The following ARHGAP10 variants were observed in gnomAD, a reference collection of about 807,000 sequenced individuals.
ARHGAP10 encodes rho GTPase-activating protein 10.
ARHGAP10 carries 87 observed loss-of-function variants against 108.6 expected under a neutral mutation model. That is an observed-to-expected ratio of 0.80 (90% confidence interval 0.67 to 0.96). ARHGAP10 has a LOEUF of 0.96. Among genes scored for constraint, ARHGAP10 ranks in the 40% least tolerant of loss-of-function variants. The pLI is 0.00. For synonymous variants in ARHGAP10, 347 were observed against 341.1 expected, an observed-to-expected ratio of 1.02 and a Z score of -0.19; for missense variants, 939 against 954.5, an observed-to-expected ratio of 0.98 and a Z score of 0.21.
chr4:147,787,210 G>A (rs1273285788), intron 1 of ARHGAP10, among the ~76,000 whole-genome samples: 2 of 152,146 alleles, frequency 1.3e-5, no homozygotes, highest in Non-Finnish European at 2.9e-5. Context: ...GGAGGATCAG[G>A]TGTGACATTC....
chr4:148,029,392 A>G (rs771288850), intron 19 of ARHGAP10, among the ~76,000 whole-genome samples: 5 of 152,226 alleles, frequency 3.3e-5, no homozygotes, highest in African/African-American at 9.6e-5. Flanking sequence ...GAGAGCATCT[A>G]TAGAATGCCT....
At chr4:147,964,237 C>T (rs1275226060) in intron 16 of ARHGAP10, among the ~76,000 whole-genome samples, 1 of 152,180 alleles carries the variant, frequency 6.6e-6, no homozygotes, top group South Asian at 2.1e-4. Flanking sequence ...ACTTCAGTTC[C>T]GAGTATCAGC....
chr4:148,070,744 G>A (rs1730136311), intron 22 of ARHGAP10, among the ~76,000 whole-genome samples: 1 of 152,172 alleles, frequency 6.6e-6, no homozygotes, highest in South Asian at 2.1e-4. Context: ...ATTCTCCTGG[G>A]TTGTGATCAG....
At chr4:147,840,531 C>T (rs757008991) in intron 3 of ARHGAP10, among the ~76,000 whole-genome samples, 23 of 152,076 alleles carry the variant, frequency 1.5e-4, no homozygotes, top group Admixed American at 1.2e-3. Context: ...TCTAATCTAA[C>T]GGGGGATGCA....
At chr4:148,036,767 TA>T (rs1728396060) in intron 19 of ARHGAP10, among the ~76,000 whole-genome samples, 1 of 152,182 alleles carries the variant, frequency 6.6e-6, no homozygotes, top group African/African-American at 2.4e-5. Flanking sequence ...TTTGGCTTGT[TA>T]GGGGTTGATT....
intron 18 of ARHGAP10, among the ~76,000 whole-genome samples, chr4:148,007,031 G>A (rs867941162): frequency 7.2e-5 from 11 of 152,254 alleles, no homozygotes; most frequent in Non-Finnish European, 1.2e-4. Context: ...AAAATTAGAC[G>A]AAATTGCCTG....
chr4:147,775,460 G>A (rs531826072), intron 1 of ARHGAP10, among the ~76,000 whole-genome samples: 3 of 152,206 alleles, frequency 2.0e-5, no homozygotes, highest in African/African-American at 7.2e-5. Flanking sequence ...GCCAGTGACA[G>A]TTAAGACTCT....
intron 1 of ARHGAP10, among the ~76,000 whole-genome samples, chr4:147,742,870 T>C (rs1196609602): frequency 1.3e-5 from 2 of 150,266 alleles, no homozygotes; most frequent in Admixed American, 1.3e-4. Flanking sequence ...AAATCATCCA[T>C]AATAGTGTTG....
intron 20 of ARHGAP10, 41 bp downstream of exon 20, chr4:148,047,092 C>T (rs371636376): frequency 1.3e-5 from 21 of 1,602,916 alleles, no homozygotes; most frequent in African/African-American, 2.7e-5. Context: ...AGGGTGGAAG[C>T]CCTGACTTTG....
chr4:147,732,674 T>C (rs1728267393), intron 1 of ARHGAP10, among the ~76,000 whole-genome samples: 1 of 152,030 alleles, frequency 6.6e-6, no homozygotes, highest in Non-Finnish European at 1.5e-5. Flanking sequence ...CCTGCGGCTC[T>C]GCGGCGGCGG....
intron 18 of ARHGAP10, among the ~76,000 whole-genome samples, chr4:147,990,751 A>G (rs1289319497): frequency 6.6e-6 from 1 of 152,204 alleles, no homozygotes; most frequent in African/African-American, 2.4e-5. Context: ...AAAGGGAACA[A>G]CAGACGCCGA....
chr4:148,052,831 A>G (rs1335447062), intron 20 of ARHGAP10, among the ~76,000 whole-genome samples: 1 of 152,154 alleles, frequency 6.6e-6, no homozygotes, highest in African/African-American at 2.4e-5. Flanking sequence ...CAGGAGGAAC[A>G]TGCTGCCTTG....
intron 1 of ARHGAP10, among the ~76,000 whole-genome samples, chr4:147,740,797 A>G (rs990337311): frequency 1.3e-5 from 2 of 152,204 alleles, no homozygotes; most frequent in African/African-American, 4.8e-5. Context: ...GATACTTTAG[A>G]AATATAAAAA....
chr4:148,008,181 C>G (rs1054323245), intron 18 of ARHGAP10, among the ~76,000 whole-genome samples: 1 of 152,064 alleles, frequency 6.6e-6, no homozygotes, highest in African/African-American at 2.4e-5. Flanking sequence ...AACATAGGAA[C>G]TGCTTGATAG....
intron 22 of ARHGAP10, among the ~76,000 whole-genome samples, chr4:148,066,281 C>T (rs1268135537): frequency 6.6e-6 from 1 of 152,170 alleles, no homozygotes; most frequent in Admixed American, 6.5e-5. Context: ...GTTTACCCAT[C>T]CTCACATCCC....
chr4:147,895,512 C>CAA (rs70958593), intron 10 of ARHGAP10, among the ~76,000 whole-genome samples: 6,878 of 83,542 alleles, frequency 0.082, 420 homozygotes, highest in Middle Eastern at 0.15. Flanking sequence ...GACCCTGTCT[C>CAA]AAAAAAAAAA....
intron 10 of ARHGAP10, among the ~76,000 whole-genome samples, chr4:147,890,182 T>C (rs1355371329): frequency 1.3e-5 from 2 of 152,254 alleles, no homozygotes; most frequent in African/African-American, 4.8e-5. Flanking sequence ...GGGAAATTGC[T>C]GTCTTTTGTT....
At chr4:147,884,245 T>A (rs774299152) in intron 10 of ARHGAP10, among the ~76,000 whole-genome samples, 3 of 152,178 alleles carry the variant, frequency 2.0e-5, no homozygotes, top group Non-Finnish European at 4.4e-5. Context: ...TCAGCCATGA[T>A]CCTAGCTATG....
At chr4:148,065,996 A>AAAAG (rs397731212) in intron 22 of ARHGAP10, among the ~76,000 whole-genome samples, 2 of 150,248 alleles carry the variant, frequency 1.3e-5, no homozygotes, top group African/African-American at 4.9e-5. Flanking sequence ...AAAAAAAAAA[A>AAAAG]GGGTTGAGGG....
Sources: allele counts gnomAD v4.1 joint callset (sites outside exome capture counted in the v4.1 genomes callset), GRCh38; gene constraint gnomAD v4.1.1; transcripts MANE v1.5; gene names NCBI Gene and HGNC (gene_info 2026-07-23, HGNC 2026-07-21).